TANGO6: variants seen among roughly 807,000 people sequenced by gnomAD.
TANGO6 encodes transport and golgi organization 6 homolog, also known as transport and Golgi organization protein 6 homolog.
In TANGO6, 90 loss-of-function variants were observed where a neutral mutation model predicts 114.2. The ratio of observed to expected loss-of-function variants is 0.79; its 90% CI spans 0.66 to 0.94. The LOEUF is 0.94. Ranked by LOEUF, TANGO6 falls within the 40% of genes least tolerant of loss-of-function variation. The pLI, the probability that TANGO6 is intolerant of heterozygous loss-of-function variation, is 0.00. For synonymous variants in TANGO6, 477 were observed against 509.8 expected, an observed-to-expected ratio of 0.94 and a Z score of 0.87; for missense variants, 1,274 against 1,315.3, an observed-to-expected ratio of 0.97 and a Z score of 0.49.
At chr16:68,936,534 C>T (rs995438290) in intron 14 of TANGO6, among the ~76,000 whole-genome samples, 21 of 152,140 alleles carry the variant, frequency 1.4e-4, no homozygotes, top group East Asian at 1.9e-4. Flanking sequence ...AGGGTTTCAC[C>T]GTGTTGGCCA....
At chr16:68,993,580 G>C (rs1323097766) in intron 15 of TANGO6, among the ~76,000 whole-genome samples, 1 of 152,174 alleles carries the variant, frequency 6.6e-6, no homozygotes, top group African/African-American at 2.4e-5. Flanking sequence ...CATAGCACTT[G>C]AGGGATGGAT....
intron 14 of TANGO6, among the ~76,000 whole-genome samples, chr16:68,942,530 C>T (rs1474830942): frequency 1.3e-5 from 2 of 151,936 alleles, no homozygotes; most frequent in Non-Finnish European, 2.9e-5. Flanking sequence ...GAAATCAAAC[C>T]TGATGAAAAG....
Position 68,907,489 on chromosome 16 carries a change from C to G in TANGO6, c.1714C>G (p.Gln572Glu), listed in dbSNP as rs1163448491. 6.2e-7 allele frequency: 1 copy of G among 1,613,488 alleles called. No homozygotes were observed. The change falls in exon 10 of 18, where the codon CAG becomes GAG. Residue 572 changes from glutamine to glutamate, a missense_variant. By Grantham distance (29) the Gln-to-Glu change is conservative. Around this residue, in one of 5 missense-constraint regions of TANGO6, gnomAD observed 908 missense variants for 910.2 expected, o/e 1.00. Transcript: ENST00000261778. ...EALYQKVSSE[Q>E]GRVEHLGDLL... is the part of the protein sequence containing the mutation. Reference sequence around the variant, plus strand: ...CCTGTACCAGAAGGTATCCTCTGAGCAGGGCCGGGTGGAGCATCTCGGGGA... The same window carrying G: ...CCTGTACCAGAAGGTATCCTCTGAGGAGGGCCGGGTGGAGCATCTCGGGGA...
chr16:68,895,497 G>A (rs1795350464), intron 7 of TANGO6, among the ~76,000 whole-genome samples: 1 of 152,248 alleles, frequency 6.6e-6, no homozygotes, highest in African/African-American at 2.4e-5. Flanking sequence ...AAGGGAGCTT[G>A]ACTTTTGCCT....
At chr16:68,853,433 C>A (rs959609049) in intron 1 of TANGO6, among the ~76,000 whole-genome samples, 1 of 152,094 alleles carries the variant, frequency 6.6e-6, no homozygotes, top group Non-Finnish European at 1.5e-5. Flanking sequence ...TGCCCTTTCA[C>A]AATCATTTCC....
intron 14 of TANGO6, among the ~76,000 whole-genome samples, chr16:68,944,276 A>T (rs1451926449): frequency 6.6e-6 from 1 of 152,224 alleles, no homozygotes; most frequent in Non-Finnish European, 1.5e-5. Flanking sequence ...AATATACAAA[A>T]GCCAATTAAA....
chr16:68,875,025 G>GA (rs1185854025), intron 4 of TANGO6, 129 bp from the exon 5 acceptor site: 2 of 970,642 alleles, frequency 2.1e-6, no homozygotes, highest in Non-Finnish European at 2.9e-6. Flanking sequence ...TTATCTTATA[G>GA]AAAAAAATAA....
intron 17 of TANGO6, among the ~76,000 whole-genome samples, chr16:69,077,733 G>A (rs1479736395): frequency 6.6e-6 from 1 of 152,072 alleles, no homozygotes; most frequent in African/African-American, 2.4e-5. Flanking sequence ...GGAGGCTGAG[G>A]CACAAGAATC....
chr16:69,027,242 A>G (rs1043850281), intron 16 of TANGO6, among the ~76,000 whole-genome samples: 2 of 152,160 alleles, frequency 1.3e-5, no homozygotes, highest in African/African-American at 4.8e-5. Context: ...GTATGCATAC[A>G]CTTGAATTTA....
At chr16:68,907,262 T>C (rs1962865004) in intron 9 of TANGO6, among the ~76,000 whole-genome samples, 181 bp from the exon 10 acceptor site, 1 of 152,158 alleles carries the variant, frequency 6.6e-6, no homozygotes, top group Non-Finnish European at 1.5e-5. Flanking sequence ...CAGCCTAGTT[T>C]CTGATAATCA....
chr16:68,893,644 G>A (rs1377131060), intron 7 of TANGO6, among the ~76,000 whole-genome samples: 1 of 148,778 alleles, frequency 6.7e-6, no homozygotes, highest in African/African-American at 2.5e-5. Flanking sequence ...GCTGAGTCAC[G>A]AGAATTGGTT....
intron 16 of TANGO6, among the ~76,000 whole-genome samples, chr16:69,036,514 C>T (rs1567563160): frequency 6.6e-6 from 1 of 152,102 alleles, no homozygotes; most frequent in Non-Finnish European, 1.5e-5. Flanking sequence ...TCCTGATTGT[C>T]CTGGATGGCT....
At chr16:68,877,913 A>T (rs1219542335) in intron 5 of TANGO6, among the ~76,000 whole-genome samples, 3 of 152,194 alleles carry the variant, frequency 2.0e-5, no homozygotes, top group African/African-American at 4.8e-5. Context: ...CGGCCAAAAA[A>T]TTTTTTTAAT....
chr16:69,073,347 A>G (rs1026418829), intron 17 of TANGO6, among the ~76,000 whole-genome samples: 1 of 152,158 alleles, frequency 6.6e-6, no homozygotes. Context: ...CCCACCTCCA[A>G]AGGCGGAAAT....
intron 17 of TANGO6, among the ~76,000 whole-genome samples, chr16:69,051,404 A>G (rs1959945868): frequency 6.6e-6 from 1 of 152,072 alleles, no homozygotes; most frequent in Non-Finnish European, 1.5e-5. Context: ...GGCTGGGCAC[A>G]ATGACTCACA....
chr16:68,845,930 G>A (rs927795254), intron 1 of TANGO6, among the ~76,000 whole-genome samples: 14 of 151,884 alleles, frequency 9.2e-5, no homozygotes, highest in African/African-American at 2.4e-4. Flanking sequence ...TTGACACACC[G>A]GAACCCCCAC....
chr16:69,013,683 G>T (rs1052007540), intron 15 of TANGO6, among the ~76,000 whole-genome samples: 1 of 146,810 alleles, frequency 6.8e-6, no homozygotes, highest in Non-Finnish European at 1.5e-5. Flanking sequence ...CCGAGACCAG[G>T]TCTCACTCTG....
chr16:68,978,428 C>T (rs1227118025), intron 15 of TANGO6, among the ~76,000 whole-genome samples: 1 of 152,186 alleles, frequency 6.6e-6, no homozygotes, highest in Admixed American at 6.6e-5. Flanking sequence ...TCAAAGTTCC[C>T]TTCTTTCTGT....
chr16:68,892,987 A>G (rs1962647689), intron 7 of TANGO6, among the ~76,000 whole-genome samples: 1 of 152,178 alleles, frequency 6.6e-6, no homozygotes, highest in African/African-American at 2.4e-5. Flanking sequence ...GTAACCAGAA[A>G]ACCTTTCAAC....
Sources: allele counts gnomAD v4.1 joint callset (sites outside exome capture counted in the v4.1 genomes callset), GRCh38; gene constraint gnomAD v4.1.1; regional missense constraint gnomAD v4.1.1; transcripts MANE v1.5; gene names NCBI Gene and HGNC (gene_info 2026-07-23, HGNC 2026-07-21).